The following TENM3 variants were observed in gnomAD, a reference collection of about 807,000 sequenced individuals.
TENM3 encodes the protein teneurin transmembrane protein 3.
A neutral mutation model predicts 255.1 loss-of-function variants in TENM3; 63 were observed. That is an observed-to-expected ratio of 0.25 (90% CI 0.20 to 0.30). TENM3 has a LOEUF of 0.30. Among genes scored for constraint, TENM3 ranks in the 10% least tolerant of loss-of-function variants. The pLI is 1.00. For missense variants in TENM3, 2,929 were observed against 3,461.1 expected (o/e 0.85, Z 3.86); for synonymous variants, 1,306 against 1,322.3 (o/e 0.99, Z 0.27).
chr4:182,566,295 C>G (rs1404995153), intron 3 of TENM3, among the ~76,000 whole-genome samples: 1 of 152,144 alleles, frequency 6.6e-6, no homozygotes, highest in Non-Finnish European at 1.5e-5. Context: ...CGATTTGGTA[C>G]CATTGCCGAG....
chr4:181,880,345 A>T, the TENM3 span, among the ~76,000 whole-genome samples: 1 of 152,210 alleles, frequency 6.6e-6, no homozygotes, highest in Admixed American at 6.5e-5. Flanking sequence ...TGCAAATATT[A>T]ACAAATATGT....
the TENM3 span, among the ~76,000 whole-genome samples, chr4:181,686,963 A>G: frequency 6.6e-6 from 1 of 152,116 alleles, no homozygotes; most frequent in African/African-American, 2.4e-5. Flanking sequence ...CATTCAGTAA[A>G]TGAATAGTTG....
intron 3 of TENM3, among the ~76,000 whole-genome samples, chr4:182,377,710 G>T (rs1042988692): frequency 1.3e-5 from 2 of 152,144 alleles, no homozygotes; most frequent in Admixed American, 1.3e-4. Context: ...TATAGATCAT[G>T]ATATTGTTTA....
Position 182,166,024 on chromosome 4 carries a change from C to T in TENM3, c.-76+21270C>T, listed in dbSNP as rs544433364. Among the ~76,000 whole-genome samples, 762 of 152,224 alleles carry T rather than the reference C, an allele frequency of 5.0e-3. 4 individuals are homozygous for T. The highest frequency in any genetic ancestry group is 6.0e-3 in the Non-Finnish European group (411 of 68,004). On this transcript the variant is annotated intron_variant, in intron 1 of 2. Transcript: ENST00000512480. Reference sequence around the variant, plus strand: ...CGATCTCCTGACCTCATGATCTGCCCGCCTCGGCCTCCCAAAGTGCTGGGA... The same window carrying T: ...CGATCTCCTGACCTCATGATCTGCCTGCCTCGGCCTCCCAAAGTGCTGGGA...
the TENM3 span, among the ~76,000 whole-genome samples, chr4:181,883,896 T>G: frequency 1.3e-5 from 2 of 152,154 alleles, no homozygotes; most frequent in African/African-American, 4.8e-5. Context: ...ACATCGTATT[T>G]TGTTTGAGCT....
chr4:181,618,389 G>T, the TENM3 span, among the ~76,000 whole-genome samples: 2 of 152,200 alleles, frequency 1.3e-5, no homozygotes, highest in African/African-American at 2.4e-5. Flanking sequence ...CCATCCCATT[G>T]CTCGATCACT....
chr4:182,249,049 G>A (rs1757830408), intron 1 of TENM3, among the ~76,000 whole-genome samples: 1 of 152,168 alleles, frequency 6.6e-6, no homozygotes. Flanking sequence ...ACAACCCTGT[G>A]AGGTGTATAG....
chr4:181,554,268 C>A, the TENM3 span, among the ~76,000 whole-genome samples: 4 of 152,138 alleles, frequency 2.6e-5, no homozygotes, highest in Admixed American at 2.0e-4. Flanking sequence ...TGAAAAGCTG[C>A]GGGCGGTGTC....
intron 3 of TENM3, among the ~76,000 whole-genome samples, chr4:182,467,319 G>A (rs1732692567): frequency 6.8e-6 from 1 of 148,112 alleles, no homozygotes; most frequent in Non-Finnish European, 1.5e-5. Context: ...TGAACTTTAT[G>A]ATTGTCAACA....
chr4:181,923,011 G>A, the TENM3 span, among the ~76,000 whole-genome samples: 1 of 152,152 alleles, frequency 6.6e-6, no homozygotes, highest in South Asian at 2.1e-4. Context: ...TCATTCAGGA[G>A]CAGGTTGTTC....
At chr4:182,244,294 G>T (rs1168336654) in intron 1 of TENM3, among the ~76,000 whole-genome samples, 1 of 152,140 alleles carries the variant, frequency 6.6e-6, no homozygotes, top group Admixed American at 6.5e-5. Flanking sequence ...CAGGGTATTA[G>T]ACCACCATGG....
At chr4:181,521,418 T>A in the TENM3 span, among the ~76,000 whole-genome samples, 2 of 152,240 alleles carry the variant, frequency 1.3e-5, no homozygotes, top group South Asian at 4.1e-4. Flanking sequence ...TGCAGTAAGG[T>A]TACTTGAAAC....
chr4:181,626,931 AG>A, the TENM3 span, among the ~76,000 whole-genome samples: 1 of 152,210 alleles, frequency 6.6e-6, no homozygotes, highest in Non-Finnish European at 1.5e-5. Context: ...ATAGAATCTA[AG>A]GGAAAGATGC....
the TENM3 span, among the ~76,000 whole-genome samples, chr4:181,778,832 C>T: frequency 2.0e-5 from 3 of 152,062 alleles, no homozygotes; most frequent in African/African-American, 4.8e-5. Context: ...ACTGGAATTT[C>T]GCCCTCAGGT....
At chr4:182,615,760 G>A (rs1261703413) in intron 4 of TENM3, among the ~76,000 whole-genome samples, 1 of 151,836 alleles carries the variant, frequency 6.6e-6, no homozygotes, top group Non-Finnish European at 1.5e-5. Context: ...ATGACATAAA[G>A]CAATGAAAAA....
intron 1 of TENM3, among the ~76,000 whole-genome samples, chr4:182,275,530 T>C (rs1339738294): frequency 6.6e-6 from 1 of 152,090 alleles, no homozygotes; most frequent in Non-Finnish European, 1.5e-5. Context: ...GGGAATAAAG[T>C]GGAAATAAAG....
At chr4:182,220,043 T>C (rs1755752117) in intron 1 of TENM3, among the ~76,000 whole-genome samples, 1 of 152,154 alleles carries the variant, frequency 6.6e-6, no homozygotes, top group South Asian at 2.1e-4. Flanking sequence ...GCATGTGGTT[T>C]GGCCCTGAGG....
chr4:181,710,411 G>T, the TENM3 span, among the ~76,000 whole-genome samples: 5 of 152,210 alleles, frequency 3.3e-5, no homozygotes, highest in South Asian at 8.3e-4. Context: ...AGGTATTCCT[G>T]TAAGAAGACC....
At chr4:182,590,593 C>G (rs1441515494) in intron 3 of TENM3, among the ~76,000 whole-genome samples, 3 of 148,300 alleles carry the variant, frequency 2.0e-5, no homozygotes, top group African/African-American at 7.4e-5. Context: ...AGTGCAATGG[C>G]TCACGCCTAT....
Sources: gnomAD v4.1 joint callset for allele counts (sites outside exome capture counted in the v4.1 genomes callset) on GRCh38, gnomAD v4.1.1 for gene constraint, MANE v1.5 for transcripts, NCBI Gene and HGNC (gene_info 2026-07-23, HGNC 2026-07-21) for gene names.